The following TRPM3 variants were observed in gnomAD, a reference collection of about 807,000 sequenced individuals.
TRPM3 encodes the protein transient receptor potential cation channel subfamily M member 3.
TRPM3 carries 77 observed loss-of-function variants against 181.2 expected under a neutral mutation model. The observed-to-expected ratio is 0.42, with a 90% CI of 0.35 to 0.51. TRPM3 has a LOEUF of 0.51. Ranked by LOEUF, TRPM3 falls within the 20% of genes least tolerant of loss-of-function variation. The pLI, the probability that TRPM3 is intolerant of heterozygous loss-of-function variation, is 0.01. For synonymous variants in TRPM3, 745 were observed against 796.4 expected, an observed-to-expected ratio of 0.94 and a Z score of 1.09; for missense variants, 1,759 against 2,196.7, an observed-to-expected ratio of 0.80 and a Z score of 3.98.
rs1334968709 is a variant in TRPM3, at chr9:70,606,156, CT to C, written c.2668-2687del. 2.0e-5 allele frequency among the ~76,000 whole-genome samples: 3 copies of C among 152,190 alleles called. No homozygotes were observed. The South Asian group carries it at 6.2e-4, about 31-fold the overall frequency. ...ATTCTGTAACATGGGATCACTTCCA[CT>C]TTCCTTATAGGGCCTTTATAATGAC... On this transcript the variant is annotated intron_variant, in intron 19 of 25. Coordinates refer to ENST00000677713, the MANE Select transcript of TRPM3 (RefSeq NM_001366145.2).
intron 1 of TRPM3, among the ~76,000 whole-genome samples, chr9:71,335,930 A>C (rs1161726204): frequency 6.6e-6 from 1 of 152,160 alleles, no homozygotes; most frequent in African/African-American, 2.4e-5. Flanking sequence ...CAGAAAAATC[A>C]TCATGGAGTC....
chr9:70,537,379 T>C lies in TRPM3; in HGVS notation c.3734A>G (p.Glu1245Gly). Reference protein sequence around the residue: ...ERVENMSMRLEEVNEREHSMK... With the variant: ...ERVENMSMRLGEVNEREHSMK... ...GGAGTGCTCTCTCTCGTTGACTTCC[T>C]CCAGCCGCATAGACATGTTCTCCAC... Residue 1245 changes from glutamate to glycine, a missense_variant, in exon 26 of 26, where the codon GAG (glutamate) becomes GGG (glycine). Physicochemically the swap from Glu to Gly is moderately conservative, Grantham distance 98 (BLOSUM62 -2). This residue lies in a region of TRPM3 where 96 missense variants were observed against 129.6 expected (regional missense o/e 0.74). Transcript: ENST00000677713. The C allele has an allele frequency of 6.7e-7, 1 of 1,486,810 alleles. No individual in the cohort carries two copies. The highest frequency in any genetic ancestry group is 2.3e-5 in the East Asian group (1 of 43,138). The allele number at this position is 1,486,810 out of a possible 1,614,324, so 92.1% of individuals were successfully genotyped here.
intron 9 of TRPM3, among the ~76,000 whole-genome samples, chr9:70,670,188 G>A (rs2062649665): frequency 6.6e-6 from 1 of 152,132 alleles, no homozygotes; most frequent in South Asian, 2.1e-4. Flanking sequence ...AGTTTGCCTG[G>A]ACATTCTGAT....
At chr9:71,109,200 A>C (rs1411608703) in intron 1 of TRPM3, among the ~76,000 whole-genome samples, 1 of 152,176 alleles carries the variant, frequency 6.6e-6, no homozygotes, top group African/African-American at 2.4e-5. Flanking sequence ...GGCCTCCCTC[A>C]TCAGCTTTTG....
chr9:71,073,903 C>T (rs1044349822), intron 1 of TRPM3, among the ~76,000 whole-genome samples: 1 of 152,134 alleles, frequency 6.6e-6, no homozygotes, highest in African/African-American at 2.4e-5. Flanking sequence ...GCTGGAAAAG[C>T]ACTAATCTAA....
rs2070679322 is a variant in TRPM3, at chr9:71,109,940, A to G, written c.177+11238T>C. Among the ~76,000 whole-genome samples, 4 of 152,288 alleles carry G rather than the reference A, an allele frequency of 2.6e-5. No individual in the cohort carries two copies. In the South Asian group the frequency reaches 8.3e-4, roughly 32 times the overall value. ...CTGTAAATTGAAAAGCACCTTTCAA[A>G]TGTTAAGCTTTTATTATCATTTCAT... On this transcript the variant is annotated intron_variant, in intron 1 of 25. Coordinates refer to ENST00000677713, the MANE Select transcript of TRPM3 (RefSeq NM_001366145.2).
At chr9:70,642,527 A>G (rs2058217666) in intron 9 of TRPM3, among the ~76,000 whole-genome samples, 1 of 152,186 alleles carries the variant, frequency 6.6e-6, no homozygotes. Context: ...TGCACATTAG[A>G]ATCACCTGGG....
At chr9:71,254,188 G>A (rs1175013069) in intron 1 of TRPM3, among the ~76,000 whole-genome samples, 1 of 152,116 alleles carries the variant, frequency 6.6e-6, no homozygotes, top group Non-Finnish European at 1.5e-5. Flanking sequence ...AAAGTGCTGG[G>A]ATTACAGGCA....
At chr9:70,550,816 G>A (rs1327341232) in intron 24 of TRPM3, among the ~76,000 whole-genome samples, 1 of 152,212 alleles carries the variant, frequency 6.6e-6, no homozygotes, top group Non-Finnish European at 1.5e-5. Flanking sequence ...AAAAGCAGGT[G>A]AGAGAAAAGA....
In TRPM3 at chr9:70,623,011, A is replaced by G. The variant is rs1193221510; in HGVS notation, c.1810-1738T>C. ...CTGTTGTTAAATTTTAGGTATTTTC[A>G]AAGTTCTTTACTAGTTCCACAAAAT... On this transcript the variant is annotated intron_variant, in intron 14 of 25. Transcript: ENST00000677713. Among the ~76,000 whole-genome samples the G allele has an allele frequency of 4.6e-5, 7 of 152,048 alleles. 1 individual carries two copies. The highest frequency in any genetic ancestry group is 9.7e-5 in the African/African-American group (4 of 41,410).
intron 9 of TRPM3, among the ~76,000 whole-genome samples, chr9:70,666,281 G>C (rs1253992567): frequency 1.3e-5 from 2 of 152,144 alleles, no homozygotes; most frequent in Non-Finnish European, 2.9e-5. Flanking sequence ...CTATCACCTT[G>C]GGTCTCCCTT....
intron 6 of TRPM3, among the ~76,000 whole-genome samples, chr9:70,810,959 G>T (rs1230481681): frequency 4.6e-5 from 7 of 152,154 alleles, no homozygotes; most frequent in Non-Finnish European, 8.8e-5. Context: ...TATCCCAATA[G>T]TGCCGTCAAG....
intron 1 of TRPM3, among the ~76,000 whole-genome samples, chr9:71,358,565 G>C (rs2092005843): frequency 6.6e-6 from 1 of 152,166 alleles, no homozygotes. Flanking sequence ...AAGAGGCCAT[G>C]AGCCTAAATG....
At chr9:71,082,341 C>T (rs892366451) in intron 1 of TRPM3, among the ~76,000 whole-genome samples, 2 of 152,096 alleles carry the variant, frequency 1.3e-5, no homozygotes, top group African/African-American at 4.8e-5. Context: ...TCTCATGATG[C>T]CAATTTTCCT....
rs571706021 is a variant in TRPM3, at chr9:70,918,358, A to G, written c.178-53847T>C. Among the ~76,000 whole-genome samples the G allele has an allele frequency of 8.5e-5, 13 of 152,314 alleles. No individual in the cohort carries two copies. In the South Asian group the frequency reaches 2.7e-3, roughly 32 times the overall value. ...CAACACATGGATCATTCTCAAGAAT[A>G]AACTATATGTCGGATCACAAAACAA... is the stretch of plus-strand genomic sequence containing the variant. On this transcript the variant is annotated intron_variant, in intron 1 of 25. Coordinates refer to ENST00000677713, the MANE Select transcript of TRPM3 (RefSeq NM_001366145.2).
intron 1 of TRPM3, among the ~76,000 whole-genome samples, chr9:71,022,706 C>G (rs757388335): frequency 1.3e-5 from 2 of 151,234 alleles, no homozygotes; most frequent in African/African-American, 2.4e-5. Flanking sequence ...TCAAAATAAA[C>G]AAAATAAAAT....
upstream of TRPM3, among the ~76,000 whole-genome samples, chr9:71,126,401 G>A (rs1422324766): frequency 1.4e-4 from 22 of 151,928 alleles, no homozygotes; most frequent in Non-Finnish European, 2.4e-4. Flanking sequence ...TATCATTTTT[G>A]TCAAAAAACA....
At chr9:71,430,958 CAT>C (rs910075878) in intron 1 of TRPM3, among the ~76,000 whole-genome samples, 1 of 152,154 alleles carries the variant, frequency 6.6e-6, no homozygotes, top group Non-Finnish European at 1.5e-5. Context: ...AAGCATAAAA[CAT>C]AAATCCATCC....
At chr9:70,825,043 T>C (rs766734538) in intron 6 of TRPM3, 8 of 152,126 alleles carry the variant, frequency 5.3e-5, no homozygotes, top group Non-Finnish European at 1.2e-4. Context: ...GGGGGCTGAG[T>C]ACAGTAATGA....
Sources: allele counts gnomAD v4.1 joint callset (sites outside exome capture counted in the v4.1 genomes callset), GRCh38; gene constraint gnomAD v4.1.1; regional missense constraint gnomAD v4.1.1; transcripts MANE v1.5; gene names NCBI Gene and HGNC (gene_info 2026-07-23, HGNC 2026-07-21).